ARMCX4: variants seen among roughly 807,000 people sequenced by gnomAD.
ARMCX4 encodes armadillo repeat-containing X-linked protein 4.
Under a neutral mutation model 34.7 loss-of-function variants are expected in ARMCX4, and 3 were observed. The observed-to-expected ratio is 0.09, with a 90% CI of 0.04 to 0.22. ARMCX4 has a LOEUF of 0.22. Among genes scored for constraint, ARMCX4 ranks in the 10% least tolerant of loss-of-function variants. The pLI is 1.00. For missense variants in ARMCX4, 1,448 were observed against 1,720.8 expected (o/e 0.84, Z 2.81); for synonymous variants, 513 against 632.8 (o/e 0.81, Z 2.84).
chrX:101,491,299 A>G lies in ARMCX4; in HGVS notation c.2710A>G (p.Thr904Ala), dbSNP rs1933968938. 8.7e-7 allele frequency: 1 copy of G among 1,155,362 alleles called. No homozygotes were observed. Among genetic ancestry groups the G allele is most frequent in the South Asian group, 1.9e-5 (1 of 52,697 alleles). ...GTCTAAGGCAGGGGCCAGAGAAGAT[A>G]CAATGGGCTCTGCCCAGCCTCAGGT... ...VVSKAGAREDTMGSAQPQVVA... is the reference protein window; with the variant it reads ...VVSKAGAREDAMGSAQPQVVA... The change falls in exon 6 of 6, where the codon ACA becomes GCA. Residue 904 changes from threonine to alanine, a missense_variant. By Grantham distance (58) the Thr-to-Ala change is moderately conservative (BLOSUM62 0). This residue lies in a region of ARMCX4 where 1,343 missense variants were observed against 1,540.7 expected (regional missense o/e 0.87). Transcript: ENST00000423738.
At position 101,489,486 on chromosome X, in the gene ARMCX4, G is replaced by A; in HGVS notation, c.897G>A (p.Glu299=). Residue 299 remains glutamate (E), a synonymous_variant, in exon 6 of 6, where the codon GAG becomes GAA. Coordinates refer to ENST00000423738, the MANE Select transcript of ARMCX4 (RefSeq NM_001256155.3). ...ATGACATGCCTGGTACTGGGGTTGA[G>A]GACATGGGGAATTGTAAAACCATGT... ...QGDDMPGTGV[E]DMGNCKTMSR... The A allele has an allele frequency of 8.7e-7, 1 of 1,155,216 alleles. No homozygotes were observed. Among genetic ancestry groups the A allele is most frequent in the South Asian group, 1.9e-5 (1 of 52,721 alleles).
intron 2 of ARMCX4, among the ~76,000 whole-genome samples, chrX:101,441,612 C>T (rs894600928): frequency 1.4e-4 from 15 of 108,211 alleles, no homozygotes; most frequent in African/African-American, 5.2e-4. Flanking sequence ...ACACACACCA[C>T]CAGTGCTCTA....
rs1398297773 is a variant in ARMCX4 at position 101,435,482 on chromosome X, G to T, written n.165-8570G>T. On this transcript the variant is annotated intron_variant and non_coding_transcript_variant, in intron 2 of 3. Transcript: ENST00000430461. ...TATCCTTCGCCCACTTTTTGATGAGGTTGTTTGATTTTTTTCTTGTAAACT... is the reference window on the plus strand; with the variant it reads ...TATCCTTCGCCCACTTTTTGATGAGTTTGTTTGATTTTTTTCTTGTAAACT... Among the ~76,000 whole-genome samples, 5 of 111,622 alleles carry T rather than the reference G, an allele frequency of 4.5e-5. No homozygotes were observed. The East Asian group carries it at 8.4e-4, about 19-fold the overall frequency.
intron 2 of ARMCX4, among the ~76,000 whole-genome samples, chrX:101,433,279 CG>C (rs1390577764): frequency 9.3e-6 from 1 of 107,148 alleles, no homozygotes; most frequent in Non-Finnish European, 1.9e-5. Flanking sequence ...TACACATGTA[CG>C]TACACATATA....
At chrX:101,468,601 TTTTTCTTTTC>T (rs1219241477) in intron 4 of ARMCX4, among the ~76,000 whole-genome samples, 1 of 110,378 alleles carries the variant, frequency 9.1e-6, no homozygotes, top group Non-Finnish European at 1.9e-5. Flanking sequence ...TAGGAGAGTA[TTTTTCTTTTC>T]TTTTCTTTTC....
chrX:101,440,149 C>T (rs6616242), intron 2 of ARMCX4, among the ~76,000 whole-genome samples: 1 of 109,921 alleles, frequency 9.1e-6, no homozygotes, highest in East Asian at 2.9e-4. Context: ...GTACAGATGG[C>T]GTTTTGGTGT....
intron 2 of ARMCX4, among the ~76,000 whole-genome samples, chrX:101,433,315 T>C (rs965373396): frequency 9.8e-6 from 1 of 101,674 alleles, no homozygotes; most frequent in Non-Finnish European, 2.0e-5. Flanking sequence ...TATGTACATA[T>C]ATACTTACAT....
intron 2 of ARMCX4, chrX:101,443,705 CA>C: frequency 3.9e-6 from 1 of 259,469 alleles, no homozygotes; most frequent in Non-Finnish European, 7.2e-6. Flanking sequence ...CTACAGTCCG[CA>C]ATAGTTCTTG....
rs1429508992 is a variant in ARMCX4 at position 101,494,375 on chromosome X, G to A, written c.5786G>A (p.Gly1929Glu). 1 of 1,153,501 alleles carries A rather than the reference G, an allele frequency of 8.7e-7. No individual in the cohort carries two copies. The highest frequency in any genetic ancestry group is 1.1e-6 in the Non-Finnish European group (1 of 872,329). Residue 1929 changes from glycine to glutamate, a missense_variant, in exon 6 of 6, where the codon GGG becomes GAG. Gly to Glu is a moderately conservative substitution (Grantham distance 98). Around this residue, in one of 2 missense-constraint regions of ARMCX4, gnomAD observed 1,343 missense variants for 1,540.7 expected, o/e 0.87. Transcript: ENST00000423738. ...GKDASFESGA[G>E]DNTSIKDKFE... The stretch of plus-strand genomic sequence containing the variant: ...GATGCCAGTTTTGAGTCTGGAGCTG[G>A]GGATAACACCAGCATCAAGGATAAG...
In ARMCX4 at chrX:101,492,800, GGGCTGGTGGCCA is replaced by G; in HGVS notation, c.4221_4232del (p.Gln1408_Gly1411del). 1.7e-6 allele frequency: 2 copies of G among 1,155,468 alleles called. No individual in the cohort carries two copies. The highest frequency in any genetic ancestry group is 2.3e-6 in the Non-Finnish European group (2 of 872,614). On this transcript the variant is annotated inframe_deletion, in exon 6 of 6. Transcript: ENST00000423738. ...ACCACAGAAGAAGGGTCTTGGGCTG[GGGCTGGTGGCCA>G]GGCTGGTGGAGGGTCCAAGGTGGGG...
At chrX:101,502,024 A>G (rs1934311922) in intron 7 of ARMCX4, among the ~76,000 whole-genome samples, 2 of 112,472 alleles carry the variant, frequency 1.8e-5, no homozygotes, top group African/African-American at 3.2e-5. Context: ...GGAAATCGCA[A>G]CTTAGCTAGG....
intron 11 of ARMCX4, among the ~76,000 whole-genome samples, chrX:101,517,743 A>T (rs868989106): frequency 8.9e-5 from 10 of 112,046 alleles, no homozygotes; most frequent in Non-Finnish European, 7.5e-5. Flanking sequence ...TGGGAGATTT[A>T]ATCATGGAAT....
At chrX:101,422,164 C>T (rs1228802400) in intron 2 of ARMCX4, among the ~76,000 whole-genome samples, 2 of 108,431 alleles carry the variant, frequency 1.8e-5, no homozygotes, top group South Asian at 8.0e-4. Flanking sequence ...TACAGGTGCC[C>T]GCCACTATGC....
At chrX:101,442,647 C>T (rs1161101648) in intron 2 of ARMCX4, among the ~76,000 whole-genome samples, 1 of 111,232 alleles carries the variant, frequency 9.0e-6, no homozygotes. Flanking sequence ...CAACCTTGAC[C>T]AAAAGCAGGT....
intron 2 of ARMCX4, among the ~76,000 whole-genome samples, chrX:101,442,730 C>T (rs1277552157): frequency 9.0e-6 from 1 of 111,196 alleles, no homozygotes; most frequent in Non-Finnish European, 1.9e-5. Flanking sequence ...GTAAAGGCTT[C>T]CCAGACCTCT....
chrX:101,432,296 G>C (rs1930087679), intron 2 of ARMCX4, among the ~76,000 whole-genome samples: 1 of 111,261 alleles, frequency 9.0e-6, no homozygotes, highest in African/African-American at 3.3e-5. Flanking sequence ...CTTAATAGTG[G>C]TTTCATGTGA....
chrX:101,497,238 CTT>C, downstream of ARMCX4, among the ~76,000 whole-genome samples: 1 of 104,182 alleles, frequency 9.6e-6, no homozygotes, highest in East Asian at 3.0e-4. Flanking sequence ...TTTTCTCTTT[CTT>C]TTTTTTTTTG....
Position 101,491,943 on chromosome X carries a change from C to T in ARMCX4, c.3354C>T (p.Thr1118=), listed in dbSNP as rs1933994283. 8.6e-7 allele frequency: 1 copy of T among 1,156,083 alleles called. No homozygotes were observed. Among genetic ancestry groups the T allele is most frequent in the Non-Finnish European group, 1.1e-6 (1 of 872,810 alleles). Residue 1118 remains threonine (T), a synonymous_variant, in exon 6 of 6, where the codon ACC becomes ACT. Transcript: ENST00000423738. ...GGTGGATCAAATTTAGGTTTCAGAC[C>T]ATGGATGGAGACTGGGAAAATAGCG... The part of the protein sequence containing the change: ...AERWIKFRFQ[T]MDGDWENSVS...
upstream of ARMCX4, among the ~76,000 whole-genome samples, chrX:101,484,975 C>G (rs1320609327): frequency 1.8e-5 from 2 of 111,771 alleles, no homozygotes; most frequent in Non-Finnish European, 3.8e-5. Context: ...CTTCTGCTTT[C>G]CTTCCTGATA....
Sources: gnomAD v4.1 joint callset for allele counts (sites outside exome capture counted in the v4.1 genomes callset) on GRCh38, gnomAD v4.1.1 for gene constraint, gnomAD v4.1.1 regional missense constraint, MANE v1.5 for transcripts, NCBI Gene and HGNC (gene_info 2026-07-23, HGNC 2026-07-21) for gene names.